MAP4: variants seen among roughly 807,000 people sequenced by gnomAD.
The protein encoded by MAP4 is microtubule-associated protein 4.
Under a neutral mutation model 170.2 loss-of-function variants are expected in MAP4, and 76 were observed. The ratio of observed to expected loss-of-function variants is 0.45; its 90% CI spans 0.37 to 0.54. The LOEUF (loss-of-function observed/expected upper bound fraction) is 0.54, where lower values mean the gene tolerates loss of function less well. Among genes scored for constraint, MAP4 ranks in the 20% least tolerant of loss-of-function variants. MAP4 has a pLI of 0.00. For synonymous variants in MAP4, 909 were observed against 994.5 expected, an observed-to-expected ratio of 0.91 and a Z score of 1.62; for missense variants, 2,506 against 2,748.0, an observed-to-expected ratio of 0.91 and a Z score of 1.97.
intron 3 of MAP4, among the ~76,000 whole-genome samples, chr3:47,965,190 G>A (rs1559625854): frequency 6.6e-6 from 1 of 152,152 alleles, no homozygotes; most frequent in Non-Finnish European, 1.5e-5. Context: ...TTAGCATAGT[G>A]TCTTCAAGGT....
At chr3:47,992,247 G>A (rs961802643) in intron 2 of MAP4, among the ~76,000 whole-genome samples, 3 of 152,096 alleles carry the variant, frequency 2.0e-5, no homozygotes, top group African/African-American at 4.8e-5. Flanking sequence ...CATTCATAAA[G>A]AACTCACTAA....
intron 5 of MAP4, among the ~76,000 whole-genome samples, chr3:47,919,889 A>G (rs756016105): frequency 4.0e-5 from 6 of 151,354 alleles, no homozygotes; most frequent in Non-Finnish European, 8.8e-5. Context: ...ATTAGAAGAC[A>G]ATTTTATTAA....
Position 47,911,425 on chromosome 3 carries a change from T to C in MAP4, c.2996A>G (p.Gln999Arg), listed in dbSNP as rs2100035904. The C allele has an allele frequency of 6.5e-7, 1 of 1,536,154 alleles. No individual in the cohort carries two copies. The highest frequency in any genetic ancestry group is 8.7e-7 in the Non-Finnish European group (1 of 1,146,900). The change falls in exon 9 of 21, where the codon CAG becomes CGG. Residue 999 changes from glutamine to arginine, a missense_variant. Gln to Arg is a conservative substitution (Grantham distance 43, BLOSUM62 1). Transcript: ENST00000683076. This position sits in a 1 kb window ranked among gnomAD's most constrained non-coding sequence, Gnocchi z 4.0. ...GNNESKMTKL[Q>R]NVKLKEFPEG... is the part of the protein sequence containing the mutation. ...AGGAAACTCCTTCAGTTTGACATTC[T>C]GCAGTTTAGTCATTTTACTTTCATT...
At chr3:48,063,178 C>G (rs1443875569) in intron 1 of MAP4, among the ~76,000 whole-genome samples, 4 of 151,230 alleles carry the variant, frequency 2.6e-5, no homozygotes, top group Non-Finnish European at 5.9e-5. Flanking sequence ...GAGATGCCAC[C>G]GTGTCCGTAT....
Position 48,035,937 on chromosome 3 carries a change from C to A in MAP4, c.-19-37058G>T, listed in dbSNP as rs1033528149. Among the ~76,000 whole-genome samples the A allele has an allele frequency of 3.3e-5, 5 of 151,984 alleles. No homozygotes were observed. The East Asian group carries it at 5.8e-4, about 18-fold the overall frequency. ...CCTGGGCGACAGAGCGAGACTCCAT[C>A]CCCCCCTCTCAAAAAAAAACAGCAG... On this transcript the variant is annotated intron_variant, in intron 1 of 18. Transcript: ENST00000360240.
At chr3:47,885,265 C>T (rs1232092319) in intron 10 of MAP4, among the ~76,000 whole-genome samples, 1 of 152,146 alleles carries the variant, frequency 6.6e-6, no homozygotes, top group Non-Finnish European at 1.5e-5. Flanking sequence ...CGCAGTGGCT[C>T]ATGCCTGTAA....
upstream of MAP4, among the ~76,000 whole-genome samples, chr3:48,017,387 C>T (rs904808311): frequency 6.6e-6 from 1 of 152,052 alleles, no homozygotes; most frequent in African/African-American, 2.4e-5. Context: ...TTTTCTTCTG[C>T]AAGGAGGGAG....
chr3:47,884,697 A>T (rs1172393841), intron 10 of MAP4, among the ~76,000 whole-genome samples: 1 of 152,048 alleles, frequency 6.6e-6, no homozygotes, highest in Non-Finnish European at 1.5e-5. Flanking sequence ...CTTCCTCTGG[A>T]CTGCTCTCTG....
At chr3:47,972,714 G>A (rs552405970) in intron 3 of MAP4, among the ~76,000 whole-genome samples, 126 of 151,964 alleles carry the variant, frequency 8.3e-4, no homozygotes, top group African/African-American at 2.9e-3. Flanking sequence ...GTGAAACCCC[G>A]CCTCTACTAA....
In MAP4 at chr3:47,931,132, C is replaced by T. The variant is rs567000348; in HGVS notation, c.293-2782G>A. ...GTTCATGCCTGTAATCCCAGTACTT[C>T]GGGAAGCTGAGGCAAGAAGGTCACC... On this transcript the variant is annotated intron_variant, in intron 3 of 20. Transcript: ENST00000683076. Among the ~76,000 whole-genome samples the T allele has an allele frequency of 4.3e-4, 66 of 151,988 alleles. 1 individual carries two copies. Among genetic ancestry groups the T allele is most frequent in the African/African-American group, 1.4e-3 (59 of 41,474 alleles).
At chr3:47,864,815 C>T (rs1273339607) in intron 17 of MAP4, among the ~76,000 whole-genome samples, 5 of 152,158 alleles carry the variant, frequency 3.3e-5, no homozygotes, top group African/African-American at 7.2e-5. Flanking sequence ...TGCAGTGAGC[C>T]GAGATTACGC....
chr3:48,022,616 C>T (rs2100111092), intron 1 of MAP4, among the ~76,000 whole-genome samples: 1 of 152,202 alleles, frequency 6.6e-6, no homozygotes, highest in African/African-American at 2.4e-5. Flanking sequence ...ATTGGCTGGG[C>T]GTGGTGGCTC....
chr3:48,007,613 C>T (rs916892183), intron 1 of MAP4, among the ~76,000 whole-genome samples: 1 of 151,588 alleles, frequency 6.6e-6, no homozygotes, highest in Non-Finnish European at 1.5e-5. Context: ...ATAGGTGAAT[C>T]GCAATGGAGA....
chr3:48,008,843 T>C (rs1468855800), intron 1 of MAP4, among the ~76,000 whole-genome samples: 1 of 152,160 alleles, frequency 6.6e-6, no homozygotes, highest in African/African-American at 2.4e-5. Flanking sequence ...AAGGCTGACC[T>C]GGCTACGGCC....
chr3:48,058,680 T>C (rs1432717126), intron 1 of MAP4, among the ~76,000 whole-genome samples: 1 of 152,252 alleles, frequency 6.6e-6, no homozygotes, highest in Non-Finnish European at 1.5e-5. Flanking sequence ...CAGGAATCTT[T>C]ATTGTTGCTT....
At chr3:48,049,029 C>T (rs2100126108) in intron 1 of MAP4, among the ~76,000 whole-genome samples, 2 of 152,170 alleles carry the variant, frequency 1.3e-5, no homozygotes, top group Admixed American at 1.3e-4. Flanking sequence ...TAATATGTGA[C>T]CTCTTGAGAT....
upstream of MAP4, among the ~76,000 whole-genome samples, chr3:48,019,451 T>C (rs2100109492): frequency 6.6e-6 from 1 of 152,216 alleles, no homozygotes; most frequent in Non-Finnish European, 1.5e-5. Flanking sequence ...TCTCTATAGT[T>C]ATCAGCTCAT....
chr3:48,071,750 C>A (rs2100141133), intron 1 of MAP4, among the ~76,000 whole-genome samples: 3 of 149,836 alleles, frequency 2.0e-5, no homozygotes, highest in Non-Finnish European at 4.5e-5. Flanking sequence ...TGTGGTGAAA[C>A]CCCATTAGCA....
At position 47,973,827 on chromosome 3, in the gene MAP4, C is replaced by T. The variant is rs533389137; in HGVS notation, c.292+4038G>A. 17 of 985,332 alleles carry T rather than the reference C, an allele frequency of 1.7e-5. No individual in the cohort carries two copies. The African/African-American group carries it at 1.9e-4, about 11-fold the overall frequency. 61.0% of individuals were successfully genotyped at this position (985,332 alleles called of 1,614,324 possible). A position where few individuals can be genotyped will look rare whatever the true frequency, so the allele number is the denominator to read the frequency against. ...AATCAACTTAATAAATAACTGTACA[C>T]CAAAGGGAAAGGGTTGTGTTTTCTT... On this transcript the variant is annotated intron_variant, in intron 3 of 20. Transcript: ENST00000683076.
Sources: allele counts gnomAD v4.1 joint callset (sites outside exome capture counted in the v4.1 genomes callset), GRCh38; gene constraint gnomAD v4.1.1; non-coding constraint Gnocchi (gnomAD v3.1); transcripts MANE v1.5; gene names NCBI Gene and HGNC (gene_info 2026-07-23, HGNC 2026-07-21).